AATF: variants seen among roughly 807,000 people sequenced by gnomAD.
The protein encoded by AATF is apoptosis antagonizing transcription factor, also known as protein AATF.
A neutral mutation model predicts 63.7 loss-of-function variants in AATF; 48 were observed. That is an observed-to-expected ratio of 0.75 (90% confidence interval 0.60 to 0.96). The LOEUF is 0.96. AATF is among the 40% of genes least tolerant of loss of function. The pLI, the probability that AATF is intolerant of heterozygous loss-of-function variation, is 0.00. For missense variants in AATF, 639 were observed against 685.7 expected (o/e 0.93, Z 0.76); for synonymous variants, 258 against 247.7 (o/e 1.04, Z -0.39).
Position 36,953,828 on chromosome 17 carries a change from C to T in AATF, c.753C>T (p.Thr251=). The T allele has an allele frequency of 6.2e-7, 1 of 1,614,132 alleles. No homozygotes were observed. The highest frequency in any genetic ancestry group is 8.5e-7 in the Non-Finnish European group (1 of 1,180,006). Residue 251 remains threonine (T), a synonymous_variant, in exon 4 of 12, where the codon ACC becomes ACT. Coordinates refer to ENST00000619387, the MANE Select transcript of AATF (RefSeq NM_012138.4). The part of the protein sequence containing the change: ...RIKLQKALLT[T]NQLPQPDVFP... ...AACTACAAAAAGCTCTGTTGACCACCAACCAGCTTCCTCAACCAGATGTTT... is the reference window on the plus strand; with the variant it reads ...AACTACAAAAAGCTCTGTTGACCACTAACCAGCTTCCTCAACCAGATGTTT...
chr17:36,997,246 G>A (rs921303298), intron 8 of AATF, among the ~76,000 whole-genome samples: 1 of 152,072 alleles, frequency 6.6e-6, no homozygotes, highest in African/African-American at 2.4e-5. Context: ...GTAACATATC[G>A]GAAAAATGAT....
At chr17:37,018,057 C>T (rs12325993) in intron 8 of AATF, among the ~76,000 whole-genome samples, 4,787 of 152,302 alleles carry the variant, frequency 0.031, 231 homozygotes, top group African/African-American at 0.096. Flanking sequence ...ATCTTAGCGT[C>T]TTCTCTTAAA....
chr17:37,002,329 A>T (rs999498693), intron 8 of AATF, among the ~76,000 whole-genome samples: 6 of 152,152 alleles, frequency 3.9e-5, no homozygotes, highest in African/African-American at 1.4e-4. Flanking sequence ...TCTGTATACC[A>T]GCAATGAATG....
At chr17:36,956,428 T>C (rs908315484) in intron 4 of AATF, among the ~76,000 whole-genome samples, 4 of 152,154 alleles carry the variant, frequency 2.6e-5, no homozygotes, top group African/African-American at 9.7e-5. Flanking sequence ...ATGCCAGCAC[T>C]TTGGGAGGCC....
At chr17:37,020,174 G>A (rs1156955587) in intron 9 of AATF, among the ~76,000 whole-genome samples, 2 of 151,720 alleles carry the variant, frequency 1.3e-5, no homozygotes, top group Non-Finnish European at 2.9e-5. Flanking sequence ...TATCTAAAAT[G>A]ACTGCAGAAT....
intron 11 of AATF, among the ~76,000 whole-genome samples, chr17:37,034,481 G>A (rs2071574967): frequency 6.6e-6 from 1 of 151,962 alleles, no homozygotes; most frequent in South Asian, 2.1e-4. Flanking sequence ...CAATATCACT[G>A]CATGCTACTT....
intron 4 of AATF, among the ~76,000 whole-genome samples, chr17:36,984,621 A>G (rs1415887382): frequency 6.6e-6 from 1 of 152,158 alleles, no homozygotes; most frequent in Non-Finnish European, 1.5e-5. Context: ...CTGTTGTCAG[A>G]GGACCAGTTT....
intron 11 of AATF, among the ~76,000 whole-genome samples, chr17:37,034,111 G>T (rs1468524855): frequency 6.6e-6 from 1 of 152,156 alleles, no homozygotes; most frequent in Admixed American, 6.5e-5. Flanking sequence ...TTAAGGAATG[G>T]AATAATAGTC....
chr17:36,995,796 G>A (rs1199078059), intron 8 of AATF, among the ~76,000 whole-genome samples: 3 of 152,050 alleles, frequency 2.0e-5, no homozygotes, highest in Non-Finnish European at 4.4e-5. Flanking sequence ...TTGAACTCCT[G>A]GGCTCAAGCA....
At chr17:37,050,740 G>A (rs565280553) in intron 11 of AATF, among the ~76,000 whole-genome samples, 46 of 152,176 alleles carry the variant, frequency 3.0e-4, no homozygotes, top group Non-Finnish European at 6.0e-4. Context: ...TGCAATGTAT[G>A]TATGGGATTG....
intron 4 of AATF, among the ~76,000 whole-genome samples, chr17:36,983,245 A>G (rs2071141103): frequency 6.6e-6 from 1 of 151,990 alleles, no homozygotes; most frequent in African/African-American, 2.4e-5. Context: ...GTCTTCCTAC[A>G]TTGTCCGGGC....
chr17:37,037,175 C>G (rs370322483), intron 11 of AATF, among the ~76,000 whole-genome samples: 1 of 151,954 alleles, frequency 6.6e-6, no homozygotes, highest in Non-Finnish European at 1.5e-5. Flanking sequence ...CTCCCCACCC[C>G]CTGGCTAATT....
chr17:36,953,801 C>A lies in AATF; in HGVS notation c.726C>A (p.Ile242=). 6.2e-7 allele frequency: 1 copy of A among 1,614,086 alleles called. No individual in the cohort carries two copies. The highest frequency in any genetic ancestry group is 8.5e-7 in the Non-Finnish European group (1 of 1,180,010). The change falls in exon 4 of 12, where the codon ATC becomes ATA. Residue 242 remains isoleucine, a synonymous_variant. Transcript: ENST00000619387. ...GGGACCAGCTCTTGGAAGGAAGGAT[C>A]AAACTACAAAAAGCTCTGTTGACCA... ...ALWDQLLEGR[I]KLQKALLTTN... is the part of the protein sequence containing the mutation.
intron 11 of AATF, among the ~76,000 whole-genome samples, chr17:37,036,760 C>T (rs1328884851): frequency 6.6e-6 from 1 of 152,124 alleles, no homozygotes; most frequent in African/African-American, 2.4e-5. Context: ...ACCCCTGATA[C>T]TTTCTATGTG....
intron 8 of AATF, among the ~76,000 whole-genome samples, chr17:36,992,297 A>G (rs1462441151): frequency 6.6e-6 from 1 of 151,036 alleles, no homozygotes; most frequent in Non-Finnish European, 1.5e-5. Context: ...TAGAGGGTAT[A>G]GGAAAAAAAG....
chr17:37,022,067 C>T (rs2071476004), intron 10 of AATF, among the ~76,000 whole-genome samples: 1 of 151,236 alleles, frequency 6.6e-6, no homozygotes, highest in Non-Finnish European at 1.5e-5. Flanking sequence ...AAAGAAGGAG[C>T]AAGAGTGGAA....
chr17:37,001,151 T>C (rs952280459), intron 8 of AATF, among the ~76,000 whole-genome samples: 5 of 151,960 alleles, frequency 3.3e-5, no homozygotes, highest in African/African-American at 1.2e-4. Context: ...AGACCCCGTC[T>C]CTATAAAAAG....
At chr17:37,051,306 G>A (rs1272483373) in intron 11 of AATF, 1 of 152,132 alleles carries the variant, frequency 6.6e-6, no homozygotes, top group East Asian at 1.9e-4. Context: ...GAGGAGTGTG[G>A]TTTTCTGTAG....
At chr17:37,014,825 T>C (rs2142281878) in intron 8 of AATF, among the ~76,000 whole-genome samples, 1 of 152,360 alleles carries the variant, frequency 6.6e-6, no homozygotes, top group East Asian at 1.9e-4. Context: ...TATTATCTTT[T>C]TGCCTTTTGG....
Sources: gnomAD v4.1 joint callset for allele counts (sites outside exome capture counted in the v4.1 genomes callset) on GRCh38, gnomAD v4.1.1 for gene constraint, MANE v1.5 for transcripts, NCBI Gene and HGNC (gene_info 2026-07-23, HGNC 2026-07-21) for gene names.